The following FCHO1 variants were observed in gnomAD, a reference collection of about 807,000 sequenced individuals.
The protein encoded by FCHO1 is F-BAR domain only protein 1.
A neutral mutation model predicts 114.4 loss-of-function variants in FCHO1; 45 were observed. That is an observed-to-expected ratio of 0.39 (90% CI 0.31 to 0.50). FCHO1 has a LOEUF of 0.50. Ranked by LOEUF, FCHO1 falls within the 20% of genes least tolerant of loss-of-function variation. The pLI is 0.77. For synonymous variants in FCHO1, 480 were observed against 488.9 expected (o/e 0.98, Z 0.24); for missense variants, 1,042 against 1,209.6 (o/e 0.86, Z 2.06).
intron 4 of FCHO1, 163 bp from the exon 5 acceptor site, chr19:17,762,599 A>G: frequency 1.5e-6 from 1 of 679,690 alleles, no homozygotes; most frequent in Non-Finnish European, 2.7e-6. Context: ...GTCCATAGAC[A>G]ATCCCTATGG....
chr19:17,767,795 T>C (rs1324003331), intron 7 of FCHO1, among the ~76,000 whole-genome samples: 1 of 152,240 alleles, frequency 6.6e-6, no homozygotes, highest in Non-Finnish European at 1.5e-5. Context: ...CAAGTGTTTG[T>C]ATCAAGCCAA....
intron 7 of FCHO1, among the ~76,000 whole-genome samples, chr19:17,767,037 C>T (rs2089479404): frequency 6.6e-6 from 1 of 151,840 alleles, no homozygotes; most frequent in Non-Finnish European, 1.5e-5. Context: ...GGCCAAATCC[C>T]GCCCACCCCC....
chr19:17,753,109 A>G (rs1178202554), intron 1 of FCHO1, among the ~76,000 whole-genome samples: 1 of 152,198 alleles, frequency 6.6e-6, no homozygotes, highest in Admixed American at 6.5e-5. Context: ...AAGTCACCAC[A>G]TGGGGCTAGT....
intron 7 of FCHO1, among the ~76,000 whole-genome samples, chr19:17,769,984 C>T (rs2090985696): frequency 6.6e-6 from 1 of 150,458 alleles, no homozygotes; most frequent in Non-Finnish European, 1.5e-5. Context: ...GGCAACATAG[C>T]AAGACCCCAT....
chr19:17,765,739 G>C (rs1464593688), intron 6 of FCHO1, among the ~76,000 whole-genome samples: 1 of 151,986 alleles, frequency 6.6e-6, no homozygotes, highest in Non-Finnish European at 1.5e-5. Context: ...AGTTTTCTTT[G>C]TGGCTGCTAT....
At chr19:17,754,831 A>G (rs945311283) in intron 3 of FCHO1, 150 bp downstream of exon 3, 5 of 364,650 alleles carry the variant, frequency 1.4e-5, no homozygotes, top group African/African-American at 8.6e-5. Flanking sequence ...CCCACATTCC[A>G]TGCCCCCTCC....
intron 4 of FCHO1, among the ~76,000 whole-genome samples, chr19:17,757,921 A>G (rs1286737916): frequency 2.6e-5 from 4 of 151,058 alleles, no homozygotes; most frequent in Admixed American, 6.6e-5. Flanking sequence ...GTCTCAAAAA[A>G]AAAAAAAAAA....
chr19:17,774,604 T>G lies in FCHO1; in HGVS notation c.920+126T>G. On this transcript the variant is annotated intron_variant, in intron 13 of 28. Transcript: ENST00000596536. ...TCCATATTCCAGGCTGGACCAGGAT[T>G]CCCTCTACCTGAGCTAGACCAGGAG... 3 of 729,216 alleles carry G rather than the reference T, an allele frequency of 4.1e-6. No homozygotes were observed. In the South Asian group the frequency reaches 5.2e-5, roughly 13 times the overall value. The allele number at this position is 729,216 out of a possible 1,614,324, so 45.2% of individuals were successfully genotyped here.
rs1268139388 is a variant in FCHO1, at chr19:17,775,709, T to A, written c.1003+196T>A. ...CAAGAGGGAGAGAGAAAAGGAGATC[T>A]AGCAGGGCTTCCTGGAGGAGGGGGC... is the stretch of plus-strand genomic sequence containing the variant. On this transcript the variant is annotated intron_variant, in intron 15 of 28. Coordinates refer to ENST00000596536, the MANE Select transcript of FCHO1 (RefSeq NM_015122.3). The surrounding 1 kb of genome is among the most constrained non-coding windows in gnomAD (Gnocchi z 5.1). Among the ~76,000 whole-genome samples the A allele has an allele frequency of 6.6e-6, 1 of 151,590 alleles. No homozygotes were observed. The highest frequency in any genetic ancestry group is 2.4e-5 in the African/African-American group (1 of 41,206).
Position 17,786,574 on chromosome 19 carries a change from G to T in FCHO1, c.2427G>T (p.Trp809Cys). 1 of 1,469,774 alleles carries T rather than the reference G, an allele frequency of 6.8e-7. No individual in the cohort carries two copies. Among genetic ancestry groups the T allele is most frequent in the Non-Finnish European group, 9.2e-7 (1 of 1,089,916 alleles). The allele number at this position is 1,469,774 out of a possible 1,614,324, so 91.0% of individuals were successfully genotyped here. ...CTGATTAAGATTCTTTCTCTGCCAG[G>T]AACCTGGAGGAGAAGCGGCTCACTT... ...TNVRLQPAATWNLEEKRLTWR... is the reference protein window; with the variant it reads ...TNVRLQPAATCNLEEKRLTWR... The change falls in exon 27 of 29, where the codon TGG (tryptophan) becomes TGT (cysteine). Residue 809 changes from tryptophan to cysteine, a missense_variant and splice_region_variant. Trp to Cys is a radical substitution (Grantham distance 215). Transcript: ENST00000596536.
intron 11 of FCHO1, among the ~76,000 whole-genome samples, chr19:17,773,627 C>T (rs1405236298): frequency 1.3e-5 from 2 of 152,176 alleles, no homozygotes; most frequent in East Asian, 1.9e-4. Context: ...ACTGCACAGA[C>T]GCATGGTCCA....
intron 7 of FCHO1, among the ~76,000 whole-genome samples, chr19:17,769,580 A>AACACAC (rs71162199): frequency 1.4e-5 from 2 of 144,080 alleles, no homozygotes; most frequent in Non-Finnish European, 3.0e-5. Context: ...CTTCGTCTCA[A>AACACAC]ACACACACAC....
intron 28 of FCHO1, 33 bp from the exon 29 acceptor site, chr19:17,788,251 C>CAA: frequency 1.5e-6 from 2 of 1,368,526 alleles, no homozygotes; most frequent in Non-Finnish European, 2.1e-6. Context: ...CCCCTCCTCC[C>CAA]CACCCCTCCC....
rs1295372979 is a variant in FCHO1 at position 17,784,324 on chromosome 19, C to T, written c.2226+89C>T. ...GACATGGAGGCGCCTGCGTGTTGGCCAGGCTGGTCTCGAATTCCTGACCTC... is the reference window on the plus strand; with the variant it reads ...GACATGGAGGCGCCTGCGTGTTGGCTAGGCTGGTCTCGAATTCCTGACCTC... On this transcript the variant is annotated intron_variant, in intron 25 of 28. Transcript: ENST00000596536. The surrounding 1 kb of genome is among the most constrained non-coding windows in gnomAD (Gnocchi z 5.3). 1 of 1,483,118 alleles carries T rather than the reference C, an allele frequency of 6.7e-7. No homozygotes were observed. Among genetic ancestry groups the T allele is most frequent in the Non-Finnish European group, 9.1e-7 (1 of 1,102,292 alleles). The allele number at this position is 1,483,118 out of a possible 1,614,324, so 91.9% of individuals were successfully genotyped here.
At chr19:17,783,840 C>T (rs2093643136) in intron 24 of FCHO1, among the ~76,000 whole-genome samples, 3 of 152,160 alleles carry the variant, frequency 2.0e-5, no homozygotes, top group Admixed American at 2.0e-4. Flanking sequence ...CTCAGCCTCC[C>T]AAAGTGCTGG....
chr19:17,778,411 G>A, intron 19 of FCHO1, 183 bp downstream of exon 19: 1 of 776,676 alleles, frequency 1.3e-6, no homozygotes, highest in South Asian at 1.7e-5. Context: ...GCCTTGGCCA[G>A]TGGGCGGTGA....
intron 9 of FCHO1, among the ~76,000 whole-genome samples, chr19:17,771,441 G>GGTGGATCACGAGGTCAGGA (rs1219786118): frequency 6.6e-6 from 1 of 151,618 alleles, no homozygotes; most frequent in Non-Finnish European, 1.5e-5. Context: ...GGCCGAGGCA[G>GGTGGATCACGAGGTCAGGA]GTGGATCACG....
chr19:17,772,870 C>G, intron 11 of FCHO1, 129 bp downstream of exon 11: 1 of 669,508 alleles, frequency 1.5e-6, no homozygotes, highest in Non-Finnish European at 2.5e-6. Flanking sequence ...ACCATGTTGG[C>G]CAGGCTGGTC....
intron 4 of FCHO1, 75 bp downstream of exon 4, chr19:17,755,266 T>C (rs149410753): frequency 3.6e-5 from 48 of 1,315,902 alleles, no homozygotes; most frequent in Admixed American, 4.0e-5. Context: ...GAGGACTGGG[T>C]GAGTTGCGGT....
Sources: gnomAD v4.1 joint callset for allele counts (sites outside exome capture counted in the v4.1 genomes callset) on GRCh38, gnomAD v4.1.1 for gene constraint, Gnocchi (gnomAD v3.1) non-coding constraint, MANE v1.5 for transcripts, NCBI Gene and HGNC (gene_info 2026-07-23, HGNC 2026-07-21) for gene names.